The following NXPE2 variants were observed in gnomAD, a reference collection of about 807,000 sequenced individuals.
The protein encoded by NXPE2 is neurexophilin and PC-esterase domain family member 2.
A neutral mutation model predicts 34.4 loss-of-function variants in NXPE2; 34 were observed. That is an observed-to-expected ratio of 0.99 (90% CI 0.75 to 1.31). The LOEUF (loss-of-function observed/expected upper bound fraction) is 1.31, where lower values mean the gene tolerates loss of function less well. NXPE2 is among the 40% of genes most tolerant of loss of function. The probability of loss-of-function intolerance (pLI) is 0.00; values close to 1 mark genes in which losing one functional copy is unlikely to be tolerated. For missense variants in NXPE2, 649 were observed against 672.5 expected (o/e 0.97, Z 0.39); for synonymous variants, 235 against 231.3 (o/e 1.02, Z -0.15).
At chr11:114,639,908 A>G in the NXPE2 span, among the ~76,000 whole-genome samples, 7 of 114,982 alleles carry the variant, frequency 6.1e-5, no homozygotes. Context: ...ATTAAATATA[A>G]AATATAATAT....
At chr11:114,570,722 G>C in the NXPE2 span, 1 of 441,328 alleles carries the variant, frequency 2.3e-6, no homozygotes, top group Non-Finnish European at 4.0e-6. Context: ...AAGAAGGGTA[G>C]GCTCTTTTCA....
chr11:114,688,733 T>C (rs1040216020), intron 2 of NXPE2, among the ~76,000 whole-genome samples: 5 of 151,988 alleles, frequency 3.3e-5, no homozygotes. Flanking sequence ...TTCTGCATGA[T>C]AGGTTTTTAA....
At chr11:114,566,803 C>T in the NXPE2 span, among the ~76,000 whole-genome samples, 4 of 151,600 alleles carry the variant, frequency 2.6e-5, no homozygotes, top group Admixed American at 2.6e-4. Context: ...TTTATGTTTT[C>T]TTTTTTAAGA....
the NXPE2 span, among the ~76,000 whole-genome samples, chr11:114,756,073 C>A: frequency 2.5e-4 from 38 of 152,328 alleles, no homozygotes; most frequent in East Asian, 7.1e-3. Context: ...CTTACATCCA[C>A]TGTATAACAT....
At chr11:114,639,997 A>G in the NXPE2 span, among the ~76,000 whole-genome samples, 1 of 119,100 alleles carries the variant, frequency 8.4e-6, no homozygotes, top group South Asian at 2.5e-4. Flanking sequence ...ATAATGTTAT[A>G]TAATGTAATA....
the NXPE2 span, among the ~76,000 whole-genome samples, chr11:114,636,527 C>T: frequency 2.6e-5 from 4 of 151,712 alleles, no homozygotes; most frequent in South Asian, 2.1e-4. Context: ...TTTGCTCTTG[C>T]TTTTCTAGTT....
At chr11:114,698,000 C>A in intron 2 of NXPE2, 45 bp from the exon 3 acceptor site, 1 of 1,426,738 alleles carries the variant, frequency 7.0e-7, no homozygotes, top group Non-Finnish European at 9.2e-7. Context: ...AAAGCAAGCC[C>A]TATTGTTTGC....
chr11:114,753,767 C>G, the NXPE2 span, among the ~76,000 whole-genome samples: 1 of 152,208 alleles, frequency 6.6e-6, no homozygotes, highest in South Asian at 2.1e-4. Flanking sequence ...CAAATTCTTT[C>G]AGCTTCTATT....
chr11:114,734,223 G>T, the NXPE2 span, among the ~76,000 whole-genome samples: 1 of 151,858 alleles, frequency 6.6e-6, no homozygotes, highest in African/African-American at 2.4e-5. Context: ...TGGTAACTTT[G>T]ATCAGTTGTA....
intron 2 of NXPE2, among the ~76,000 whole-genome samples, chr11:114,697,790 T>G (rs555432556): frequency 7.2e-5 from 11 of 152,218 alleles, no homozygotes; most frequent in Non-Finnish European, 1.5e-4. Flanking sequence ...TGAAATAGTA[T>G]GTATTGATAA....
At chr11:114,640,513 G>A in the NXPE2 span, among the ~76,000 whole-genome samples, 1 of 151,606 alleles carries the variant, frequency 6.6e-6, no homozygotes, top group East Asian at 1.9e-4. Flanking sequence ...TCTAATTATA[G>A]TTCTTTGAGA....
the NXPE2 span, among the ~76,000 whole-genome samples, chr11:114,506,178 C>G: frequency 2.0e-5 from 3 of 150,398 alleles, no homozygotes; most frequent in South Asian, 2.1e-4. Context: ...ACAAGAAGAT[C>G]TAGCCAACTT....
chr11:114,502,593 C>T, the NXPE2 span, among the ~76,000 whole-genome samples: 1 of 152,112 alleles, frequency 6.6e-6, no homozygotes, highest in Non-Finnish European at 1.5e-5. Flanking sequence ...ATACTTTTGC[C>T]AACCTGTGTG....
chr11:114,721,421 A>AT, the NXPE2 span, among the ~76,000 whole-genome samples: 1 of 152,108 alleles, frequency 6.6e-6, no homozygotes, highest in African/African-American at 2.4e-5. Flanking sequence ...GTTTGTAACT[A>AT]TATGGATACA....
At chr11:114,538,526 C>G in the NXPE2 span, among the ~76,000 whole-genome samples, 1 of 152,144 alleles carries the variant, frequency 6.6e-6, no homozygotes, top group Non-Finnish European at 1.5e-5. Context: ...TTGCAACCTA[C>G]TCATCTGATA....
chr11:114,598,798 G>C, the NXPE2 span, among the ~76,000 whole-genome samples: 1 of 151,882 alleles, frequency 6.6e-6, no homozygotes, highest in South Asian at 2.1e-4. Context: ...TCTGTGATGG[G>C]AGAGGCTTCC....
the NXPE2 span, among the ~76,000 whole-genome samples, chr11:114,537,790 A>T: frequency 1.3e-5 from 2 of 152,106 alleles, no homozygotes; most frequent in Middle Eastern, 3.4e-3. Flanking sequence ...GAGGATACAA[A>T]CAAATGGAAG....
At chr11:114,717,799 T>A in the NXPE2 span, among the ~76,000 whole-genome samples, 984 of 152,296 alleles carry the variant, frequency 6.5e-3, 3 homozygotes, top group Non-Finnish European at 9.1e-3. Context: ...CAACTGGATG[T>A]GAGCCCAGTA....
chr11:114,793,249 T>C, the NXPE2 span, among the ~76,000 whole-genome samples: 1 of 152,234 alleles, frequency 6.6e-6, no homozygotes, highest in Non-Finnish European at 1.5e-5. Context: ...TTCCTTCAGT[T>C]GTGGTACCTT....
Sources: gnomAD v4.1 joint callset for allele counts (sites outside exome capture counted in the v4.1 genomes callset) on GRCh38, gnomAD v4.1.1 for gene constraint, MANE v1.5 for transcripts, NCBI Gene and HGNC (gene_info 2026-07-23, HGNC 2026-07-21) for gene names.